The following ZYG11B variants were observed in gnomAD, a reference collection of about 807,000 sequenced individuals.
The protein encoded by ZYG11B is zyg-11 family member B, cell cycle regulator, also known as protein zyg-11 homolog B.
Under a neutral mutation model 82.4 loss-of-function variants are expected in ZYG11B, and 36 were observed. The observed-to-expected ratio is 0.44, with a 90% CI of 0.33 to 0.58. The LOEUF is 0.58. Ranked by LOEUF, ZYG11B falls within the 20% of genes least tolerant of loss-of-function variation. The pLI, the probability that ZYG11B is intolerant of heterozygous loss-of-function variation, is 0.02. For missense variants in ZYG11B, 552 were observed against 895.6 expected (o/e 0.62, Z 4.90); for synonymous variants, 303 against 312.8 (o/e 0.97, Z 0.33).
At chr1:52,744,571 G>C (rs1465914595) in intron 1 of ZYG11B, among the ~76,000 whole-genome samples, 1 of 152,144 alleles carries the variant, frequency 6.6e-6, no homozygotes, top group Non-Finnish European at 1.5e-5. Flanking sequence ...GGCTGGGTAC[G>C]CTAGCTCACG....
chr1:52,807,393 A>G (rs1645150119), intron 10 of ZYG11B, among the ~76,000 whole-genome samples: 1 of 151,986 alleles, frequency 6.6e-6, no homozygotes, highest in Non-Finnish European at 1.5e-5. Context: ...TGTTTTTTGT[A>G]GTGAGAGCAT....
intron 5 of ZYG11B, among the ~76,000 whole-genome samples, chr1:52,785,516 G>T (rs912354043): frequency 6.6e-6 from 1 of 152,062 alleles, no homozygotes; most frequent in Non-Finnish European, 1.5e-5. Flanking sequence ...GAGTGCAGTG[G>T]CGCGATCTCA....
At chr1:52,777,479 CTG>C (rs1644819915) in intron 3 of ZYG11B, among the ~76,000 whole-genome samples, 1 of 152,146 alleles carries the variant, frequency 6.6e-6, no homozygotes. Context: ...GAGTCTCACT[CTG>C]TTGCGCATCA....
intron 1 of ZYG11B, among the ~76,000 whole-genome samples, chr1:52,743,402 TAAAAAAAAAA>T (rs71044414): frequency 1.4e-5 from 1 of 69,126 alleles, no homozygotes; most frequent in East Asian, 3.0e-4. Flanking sequence ...CAATAAATAC[TAAAAAAAAAA>T]AAAAAAAAAA....
chr1:52,750,070 G>T (rs767044024), intron 1 of ZYG11B, among the ~76,000 whole-genome samples: 4 of 152,018 alleles, frequency 2.6e-5, no homozygotes, highest in African/African-American at 7.2e-5. Context: ...TTCTAGTCTT[G>T]TGTTTACACT....
chr1:52,781,623 C>T (rs991430378), intron 4 of ZYG11B, among the ~76,000 whole-genome samples: 21 of 152,134 alleles, frequency 1.4e-4, no homozygotes, highest in African/African-American at 4.1e-4. Flanking sequence ...GTAATTCTTA[C>T]GCACGTTCAA....
chr1:52,726,745 C>T, intron 1 of ZYG11B, 62 bp downstream of exon 1: 2 of 1,413,158 alleles, frequency 1.4e-6, no homozygotes, highest in Non-Finnish European at 1.8e-6. Flanking sequence ...GCCCGTCGCG[C>T]TGGCCCCTGC....
intron 2 of ZYG11B, among the ~76,000 whole-genome samples, chr1:52,758,768 C>T (rs1205557128): frequency 6.6e-6 from 1 of 152,058 alleles, no homozygotes; most frequent in Non-Finnish European, 1.5e-5. Context: ...CTCATGCCAG[C>T]AGTCTCTTTG....
At chr1:52,765,292 T>A (rs1027369912) in intron 2 of ZYG11B, among the ~76,000 whole-genome samples, 2 of 151,936 alleles carry the variant, frequency 1.3e-5, no homozygotes, top group African/African-American at 4.8e-5. Context: ...AGCCTTGAAC[T>A]CCTGGACTCA....
At chr1:52,804,809 T>G (rs1194212688) in intron 10 of ZYG11B, among the ~76,000 whole-genome samples, 1 of 151,626 alleles carries the variant, frequency 6.6e-6, no homozygotes, top group Admixed American at 6.6e-5. Context: ...AAAAAAATAT[T>G]GGTCAGGTGC....
intron 3 of ZYG11B, among the ~76,000 whole-genome samples, chr1:52,776,229 A>AAAAAAAAAATATATATATATAT: frequency 0.013 from 313 of 23,542 alleles, 23 homozygotes; most frequent in Non-Finnish European, 0.028. Context: ...TAAAAAAAAA[A>AAAAAAAAAATATATATATATAT]ATATATATAT....
rs886563664 is a variant in ZYG11B, at chr1:52,826,318, G to C, written c.*4689G>C. 3 of 152,076 alleles carry C rather than the reference G, an allele frequency of 2.0e-5. No individual in the cohort carries two copies. Among genetic ancestry groups the C allele is most frequent in the Non-Finnish European group, 4.4e-5 (3 of 68,004 alleles). 9.4% of individuals were successfully genotyped at this position (152,076 alleles called of 1,614,324 possible). On this transcript the variant is annotated 3_prime_UTR_variant, in exon 14 of 14. Transcript: ENST00000294353. ...TGGTAGTAGTTTCAAATGAGTTTGTGGATAATGGATGTTTAGTCCTTATCA... is the reference window on the plus strand; with the variant it reads ...TGGTAGTAGTTTCAAATGAGTTTGTCGATAATGGATGTTTAGTCCTTATCA...
chr1:52,799,920 A>G (rs1333072654), intron 8 of ZYG11B, among the ~76,000 whole-genome samples: 1 of 152,208 alleles, frequency 6.6e-6, no homozygotes, highest in African/African-American at 2.4e-5. Context: ...GTCTCTTACT[A>G]GCCATGTATT....
chr1:52,766,352 C>G (rs1313198312), intron 2 of ZYG11B, among the ~76,000 whole-genome samples: 2 of 151,806 alleles, frequency 1.3e-5, no homozygotes, highest in Non-Finnish European at 2.9e-5. Flanking sequence ...AACTCCTGAC[C>G]TCATGATCTG....
chr1:52,731,740 G>T (rs1021040114), intron 1 of ZYG11B, among the ~76,000 whole-genome samples: 8 of 152,042 alleles, frequency 5.3e-5, no homozygotes, highest in Non-Finnish European at 7.4e-5. Flanking sequence ...AAGTGATATT[G>T]TGTGTGTGTG....
chr1:52,784,264 T>TTA (rs1644894610), intron 4 of ZYG11B, among the ~76,000 whole-genome samples: 1 of 152,128 alleles, frequency 6.6e-6, no homozygotes, highest in African/African-American at 2.4e-5. Flanking sequence ...AGTGCTGGGA[T>TTA]TACAGGCATG....
intron 1 of ZYG11B, among the ~76,000 whole-genome samples, chr1:52,732,945 C>T (rs1435017513): frequency 6.6e-6 from 1 of 151,852 alleles, no homozygotes; most frequent in East Asian, 1.9e-4. Context: ...CATTGCACTC[C>T]AGCCTGGGCA....
intron 3 of ZYG11B, among the ~76,000 whole-genome samples, chr1:52,779,409 A>G (rs1644836260): frequency 6.6e-6 from 1 of 152,212 alleles, no homozygotes; most frequent in Non-Finnish European, 1.5e-5. Flanking sequence ...AAGATGACTA[A>G]TCTGGATAGA....
chr1:52,740,279 G>A (rs1205626215), intron 1 of ZYG11B, among the ~76,000 whole-genome samples: 1 of 152,164 alleles, frequency 6.6e-6, no homozygotes, highest in African/African-American at 2.4e-5. Flanking sequence ...AAAGAGCAGG[G>A]CATTTATGTA....
Sources: gnomAD v4.1 joint callset for allele counts (sites outside exome capture counted in the v4.1 genomes callset) on GRCh38, gnomAD v4.1.1 for gene constraint, MANE v1.5 for transcripts, NCBI Gene and HGNC (gene_info 2026-07-23, HGNC 2026-07-21) for gene names.